DMD: variants seen among roughly 807,000 people sequenced by gnomAD.
The protein encoded by DMD is dystrophin.
A neutral mutation model predicts 330.1 loss-of-function variants in DMD; 63 were observed. The observed-to-expected ratio is 0.19, with a 90% CI of 0.16 to 0.24. The LOEUF is 0.24. Ranked by LOEUF, DMD falls within the 10% of genes least tolerant of loss-of-function variation. The pLI is 1.00. For synonymous variants in DMD, 1,223 were observed against 959.8 expected (o/e 1.27, Z -5.07); for missense variants, 3,344 against 2,684.1 (o/e 1.25, Z -5.43).
chrX:32,054,000 G>C (rs1034094669), intron 44 of DMD, among the ~76,000 whole-genome samples: 6 of 106,824 alleles, frequency 5.6e-5, no homozygotes, highest in East Asian at 3.0e-4. Flanking sequence ...TTGTCCATTA[G>C]ACTTCTAAAT....
chrX:32,235,370 G>T (rs145505026), intron 43 of DMD, among the ~76,000 whole-genome samples: 1,861 of 111,176 alleles, frequency 0.017, 47 homozygotes, highest in African/African-American at 0.057. Context: ...CAGAAATGGA[G>T]TGATGAGGAG....
intron 9 of DMD, among the ~76,000 whole-genome samples, chrX:32,664,190 A>G (rs148722890): frequency 0.059 from 6,391 of 109,195 alleles, 168 homozygotes; most frequent in African/African-American, 0.085. Context: ...AGTAGTCAGA[A>G]GTGATCAGAT....
At chrX:31,746,469 T>G (rs2087845101) in intron 51 of DMD, among the ~76,000 whole-genome samples, 1 of 112,323 alleles carries the variant, frequency 8.9e-6, no homozygotes, top group Non-Finnish European at 1.9e-5. Flanking sequence ...TGGAGATAAT[T>G]ACATTCATAT....
intron 43 of DMD, among the ~76,000 whole-genome samples, chrX:32,217,907 A>C (rs903085108): frequency 8.9e-6 from 1 of 112,174 alleles, no homozygotes; most frequent in African/African-American, 3.2e-5. Flanking sequence ...GCTCACATGT[A>C]AGCATTAAAT....
chrX:32,120,362 G>C (rs1159297239), intron 44 of DMD, among the ~76,000 whole-genome samples: 2 of 111,774 alleles, frequency 1.8e-5, no homozygotes, highest in Non-Finnish European at 3.8e-5. Flanking sequence ...AACTTTGAAG[G>C]CTAGCCTAGC....
At chrX:31,388,926 A>G (rs115809578) in intron 60 of DMD, among the ~76,000 whole-genome samples, 2,023 of 112,157 alleles carry the variant, frequency 0.018, 46 homozygotes, top group African/African-American at 0.062. Flanking sequence ...AACAAAACCA[A>G]AAAACATTTG....
chrX:31,219,513 T>C lies in DMD; in HGVS notation c.9361+3534A>G, dbSNP rs772651207. On this transcript the variant is annotated intron_variant, in intron 64 of 78. Coordinates refer to ENST00000357033, the MANE Select transcript of DMD (RefSeq NM_004006.3). Reference sequence around the variant, plus strand: ...ATACAAAAAATGGAAGCCTTTATAGTAAGACATCCTTCACCTTGCTGCTAC... The same window carrying C: ...ATACAAAAAATGGAAGCCTTTATAGCAAGACATCCTTCACCTTGCTGCTAC... 6.8e-4 allele frequency among the ~76,000 whole-genome samples: 76 copies of C among 111,066 alleles called. 1 individual carries two copies. The highest frequency in any genetic ancestry group is 2.4e-3 in the African/African-American group (74 of 30,520).
At chrX:31,696,856 T>A (rs1424901430) in intron 52 of DMD, among the ~76,000 whole-genome samples, 1 of 112,032 alleles carries the variant, frequency 8.9e-6, no homozygotes, top group Non-Finnish European at 1.9e-5. Flanking sequence ...TGGACTAGAT[T>A]CACAGACACA....
intron 7 of DMD, among the ~76,000 whole-genome samples, chrX:32,746,087 G>GA (rs1457152814): frequency 8.9e-6 from 1 of 112,087 alleles, no homozygotes; most frequent in African/African-American, 3.2e-5. Context: ...TCTTAGAATT[G>GA]AAAGTCTCTT....
chrX:31,354,417 C>T (rs1419278370), intron 60 of DMD, among the ~76,000 whole-genome samples: 1 of 110,272 alleles, frequency 9.1e-6, no homozygotes, highest in Non-Finnish European at 1.9e-5. Flanking sequence ...TCCTTTCTTC[C>T]ATTTTTGATG....
intron 21 of DMD, among the ~76,000 whole-genome samples, chrX:32,475,483 C>T (rs747645482): frequency 1.6e-4 from 18 of 111,581 alleles, no homozygotes; most frequent in African/African-American, 5.5e-4. Context: ...TACCCATCCA[C>T]GACTATGGGA....
intron 45 of DMD, among the ~76,000 whole-genome samples, chrX:31,951,390 G>A (rs1000918231): frequency 1.5e-4 from 16 of 105,645 alleles, no homozygotes; most frequent in Non-Finnish European, 2.5e-4. Flanking sequence ...TTTTTTAATG[G>A]GAATTCTCAA....
chrX:32,097,667 AC>A (rs760863182), intron 44 of DMD, among the ~76,000 whole-genome samples: 2 of 112,382 alleles, frequency 1.8e-5, no homozygotes, highest in East Asian at 5.6e-4. Flanking sequence ...ATATGGAAAT[AC>A]CTATAATAAC....
intron 7 of DMD, among the ~76,000 whole-genome samples, chrX:32,714,086 G>C (rs374349999): frequency 9.0e-6 from 1 of 111,537 alleles, no homozygotes. Context: ...TCTACTGAAC[G>C]CACACTGCTT....
chrX:32,712,503 T>A (rs12013299), intron 7 of DMD, among the ~76,000 whole-genome samples: 6,722 of 111,395 alleles, frequency 0.06, 473 homozygotes, highest in African/African-American at 0.21. Context: ...TTGTGTTTCC[T>A]CCAAAAGAAA....
chrX:31,257,025 CT>C (rs2050030123), intron 63 of DMD, among the ~76,000 whole-genome samples: 1 of 109,181 alleles, frequency 9.2e-6, no homozygotes, highest in Admixed American at 9.9e-5. Context: ...ATACTTGCTA[CT>C]TTTTCAGTTC....
chrX:32,230,066 G>T (rs1015048198), intron 43 of DMD, among the ~76,000 whole-genome samples: 12 of 109,810 alleles, frequency 1.1e-4, no homozygotes, highest in Non-Finnish European at 7.6e-5. Context: ...GCTCCCTAAG[G>T]GTAGAAACTA....
At chrX:31,623,395 C>G (rs189274052) in intron 55 of DMD, among the ~76,000 whole-genome samples, 1 of 111,231 alleles carries the variant, frequency 9.0e-6, no homozygotes, top group Non-Finnish European at 1.9e-5. Context: ...TCCTGAGTAG[C>G]TGGGACTACA....
At chrX:32,616,953 T>A (rs1452038929) in intron 11 of DMD, among the ~76,000 whole-genome samples, 8 of 109,854 alleles carry the variant, frequency 7.3e-5, no homozygotes, top group Non-Finnish European at 5.7e-5. Flanking sequence ...CTTCAACTTT[T>A]TTTTGAACTA....
Sources: gnomAD v4.1 joint callset for allele counts (sites outside exome capture counted in the v4.1 genomes callset) on GRCh38, gnomAD v4.1.1 for gene constraint, MANE v1.5 for transcripts, NCBI Gene and HGNC (gene_info 2026-07-23, HGNC 2026-07-21) for gene names.